The following FAS variants were observed in gnomAD, a reference collection of about 807,000 sequenced individuals.
FAS encodes Fas cell surface death receptor, also known as tumor necrosis factor receptor superfamily member 6.
FAS carries 5 observed loss-of-function variants against 33.2 expected under a neutral mutation model. The ratio of observed to expected loss-of-function variants is 0.15; its 90% CI spans 0.08 to 0.32. The LOEUF (loss-of-function observed/expected upper bound fraction) is 0.32. Among genes scored for constraint, FAS ranks in the 10% least tolerant of loss-of-function variants. FAS has a pLI of 1.00. For synonymous variants in FAS, 131 were observed against 130.7 expected (o/e 1.00, Z -0.01); for missense variants, 339 against 386.0 (o/e 0.88, Z 1.02).
chr10:88,986,715 G>A (rs1424810916), upstream of FAS, among the ~76,000 whole-genome samples: 4 of 151,916 alleles, frequency 2.6e-5, no homozygotes, highest in African/African-American at 9.7e-5. Flanking sequence ...AGTGGTACAG[G>A]AAGGAAGTGG....
At chr10:88,988,537 T>C (rs192211441), upstream of FAS, among the ~76,000 whole-genome samples, 284 of 151,978 alleles carry the variant, frequency 1.9e-3, 1 homozygote, top group Admixed American at 3.8e-3. Context: ...GAGTAGAAGC[T>C]TTAACTTATA....
rs914493538 is a variant in FAS at position 89,015,354 on chromosome 10, A to G, written c.*904A>G. On this transcript the variant is annotated 3_prime_UTR_variant, in exon 9 of 9. Transcript: ENST00000652046. The stretch of plus-strand genomic sequence containing the variant: ...GATACTAACTGCTCTCAGAGAAAGT[A>G]GCTTTGTGACATGTCATGAACCCAT... 3 of 533,102 alleles carry G rather than the reference A, an allele frequency of 5.6e-6. No individual in the cohort carries two copies. Among genetic ancestry groups the G allele is most frequent in the African/African-American group, 5.6e-5 (3 of 53,810 alleles). The allele number at this position is 533,102 out of a possible 1,614,324, so 33.0% of individuals were successfully genotyped here.
chr10:88,970,227 AAGG>A (rs1846402682), intron 1 of FAS, among the ~76,000 whole-genome samples: 2 of 152,154 alleles, frequency 1.3e-5, no homozygotes, highest in African/African-American at 4.8e-5. Context: ...TACCCTGTTT[AAGG>A]AGGTCTTTGG....
At chr10:88,973,217 T>C (rs1172649404) in exon 2 of FAS, 3 of 1,612,460 alleles carry the variant, frequency 1.9e-6, no homozygotes, top group Non-Finnish European at 2.5e-6. Context: ...TTTCTGGCAC[T>C]GCTTTGGAGA....
chr10:88,969,163 A>G (rs930873112), intron 1 of FAS, among the ~76,000 whole-genome samples: 11 of 152,218 alleles, frequency 7.2e-5, no homozygotes, highest in East Asian at 5.8e-4. Flanking sequence ...GGCAAGAAGT[A>G]TAATCTTAAG....
intron 1 of FAS, 143 bp from the exon 2 acceptor site, chr10:89,002,886 G>C (rs1285646328): frequency 5.8e-6 from 5 of 856,782 alleles, no homozygotes; most frequent in Non-Finnish European, 9.4e-6. Flanking sequence ...TTCTTGGAGA[G>C]AGAAATCTGA....
chr10:88,990,744 G>T (rs1847122132), upstream of FAS: 2 of 1,065,440 alleles, frequency 1.9e-6, no homozygotes, highest in Admixed American at 1.9e-5. The surrounding 1 kb of genome is among the most constrained non-coding windows in gnomAD (Gnocchi z 4.9). Flanking sequence ...TCAGGGGCGG[G>T]CACTGGCACG....
chr10:88,969,200 C>T (rs574924777), intron 1 of FAS, among the ~76,000 whole-genome samples: 80 of 152,222 alleles, frequency 5.3e-4, no homozygotes, highest in South Asian at 2.7e-3. Context: ...AATTGGAACA[C>T]ATTGTTATTC....
upstream of FAS, among the ~76,000 whole-genome samples, chr10:88,983,854 C>T (rs897626039): frequency 6.6e-6 from 1 of 152,096 alleles, no homozygotes; most frequent in Non-Finnish European, 1.5e-5. Context: ...GATTTCAAAG[C>T]CAGGTGGAGG....
chr10:88,995,719 G>C (rs1307703074), intron 1 of FAS, among the ~76,000 whole-genome samples: 1 of 152,046 alleles, frequency 6.6e-6, no homozygotes, highest in Non-Finnish European at 1.5e-5. Context: ...TCAGCTACTC[G>C]GGAGGTCGCG....
Position 89,017,045 on chromosome 10 carries a change from AC to A in FAS, c.*2597del, listed in dbSNP as rs748922242. 5.9e-4 allele frequency: 105 copies of A among 177,574 alleles called. 1 individual carries two copies. The highest frequency in any genetic ancestry group is 4.2e-3 in the Middle Eastern group (2 of 480). The allele number at this position is 177,574 out of a possible 1,614,324, so 11.0% of individuals were successfully genotyped here. A position where few individuals can be genotyped will look rare whatever the true frequency, so the allele number is the denominator to read the frequency against. On this transcript the variant is annotated 3_prime_UTR_variant, in exon 9 of 9. Transcript: ENST00000652046. Reference sequence around the variant, plus strand: ...TTCCTCAGCACTTTAAAAATATTAAACCATGTTTTCTTAACATCTGTTGCTG... The same window carrying A: ...TTCCTCAGCACTTTAAAAATATTAAACATGTTTTCTTAACATCTGTTGCTG...
At chr10:89,002,134 C>T (rs1847963667) in intron 1 of FAS, among the ~76,000 whole-genome samples, 1 of 152,210 alleles carries the variant, frequency 6.6e-6, no homozygotes, top group Admixed American at 6.5e-5. Flanking sequence ...AGGTTCTTTG[C>T]AGGCTTCTTG....
intron 1 of FAS, among the ~76,000 whole-genome samples, chr10:89,001,637 C>T (rs1448534499): frequency 6.6e-6 from 1 of 152,006 alleles, no homozygotes; most frequent in African/African-American, 2.4e-5. Flanking sequence ...ATTCTTGCAT[C>T]ATTTCTTCTA....
chr10:88,968,070 T>C (rs142058660), intron 1 of FAS, among the ~76,000 whole-genome samples: 2 of 152,312 alleles, frequency 1.3e-5, no homozygotes, highest in East Asian at 1.9e-4. Context: ...TGTGTTGTCA[T>C]GGTCTTGACA....
chr10:89,014,626 G>C lies in FAS; in HGVS notation c.*176G>C. 1.3e-6 allele frequency: 1 copy of C among 768,440 alleles called. No individual in the cohort carries two copies. Among genetic ancestry groups the C allele is most frequent in the Middle Eastern group, 3.5e-4 (1 of 2,854 alleles). The allele number at this position is 768,440 out of a possible 1,614,324, so 47.6% of individuals were successfully genotyped here. On this transcript the variant is annotated 3_prime_UTR_variant, in exon 9 of 9. Coordinates refer to ENST00000652046, the MANE Select transcript of FAS (RefSeq NM_000043.6). ...ATCTCATGATTCTGCCTCCAAGGATGTTTAAAATCTAGTTGGGAAAACAAA... is the reference window on the plus strand; with the variant it reads ...ATCTCATGATTCTGCCTCCAAGGATCTTTAAAATCTAGTTGGGAAAACAAA...
At chr10:89,008,356 A>G (rs564373720) in intron 3 of FAS, among the ~76,000 whole-genome samples, 1 of 152,228 alleles carries the variant, frequency 6.6e-6, no homozygotes, top group African/African-American at 2.4e-5. Flanking sequence ...TTTGTTTGAC[A>G]TGAAGAAACC....
chr10:89,005,028 G>A (rs551234509), intron 2 of FAS, among the ~76,000 whole-genome samples: 2 of 152,244 alleles, frequency 1.3e-5, no homozygotes, highest in African/African-American at 4.8e-5. Context: ...GTGCTTTGGA[G>A]AATTCAATAA....
At chr10:88,987,819 A>G (rs1281007600), upstream of FAS, among the ~76,000 whole-genome samples, 1 of 152,214 alleles carries the variant, frequency 6.6e-6, no homozygotes, top group East Asian at 1.9e-4. Flanking sequence ...TTAGTCAAAC[A>G]CTATCTTAGA....
chr10:88,992,488 C>G (rs1392296710), intron 1 of FAS: 1 of 152,080 alleles, frequency 6.6e-6, no homozygotes, highest in Non-Finnish European at 1.5e-5. Context: ...GCACCTTTAC[C>G]AGAGGCTGCG....
Sources: gnomAD v4.1 joint callset for allele counts (sites outside exome capture counted in the v4.1 genomes callset) on GRCh38, gnomAD v4.1.1 for gene constraint, Gnocchi (gnomAD v3.1) non-coding constraint, MANE v1.5 for transcripts, NCBI Gene and HGNC (gene_info 2026-07-23, HGNC 2026-07-21) for gene names.